Variants in NKD1 observed in about 807,000 individuals in gnomAD.
The protein encoded by NKD1 is NKD inhibitor of Wnt signaling pathway 1.
Under a neutral mutation model 56.0 loss-of-function variants are expected in NKD1, and 21 were observed. The observed-to-expected ratio is 0.38, with a 90% CI of 0.27 to 0.54. The LOEUF (loss-of-function observed/expected upper bound fraction) is 0.54. Among genes scored for constraint, NKD1 ranks in the 20% least tolerant of loss-of-function variants. The probability of loss-of-function intolerance (pLI) is 0.82; values close to 1 mark genes in which losing one functional copy is unlikely to be tolerated. For missense variants in NKD1, 578 were observed against 642.7 expected (o/e 0.90, Z 1.09); for synonymous variants, 263 against 265.7 (o/e 0.99, Z 0.10).
chr16:50,629,719 A>C (rs908622650), intron 6 of NKD1, among the ~76,000 whole-genome samples: 1 of 152,118 alleles, frequency 6.6e-6, no homozygotes, highest in Non-Finnish European at 1.5e-5. Flanking sequence ...AGCCATGATC[A>C]CACCCCTGCA....
intron 4 of NKD1, among the ~76,000 whole-genome samples, chr16:50,621,133 C>T (rs1358838795): frequency 6.6e-6 from 1 of 152,270 alleles, no homozygotes; most frequent in Non-Finnish European, 1.5e-5. Context: ...TTCTGGCACT[C>T]CTCCTGGCCA....
chr16:50,548,763 G>T lies in NKD1; in HGVS notation c.58+14G>T. ...AGAGCCCGGAAGGTAGGGGCGCGCGGGGCGCAGACCTCGGGGATGGACGCG... is the reference window on the plus strand; with the variant it reads ...AGAGCCCGGAAGGTAGGGGCGCGCGTGGCGCAGACCTCGGGGATGGACGCG... On this transcript the variant is annotated intron_variant, in intron 2 of 9. Transcript: ENST00000268459. 1 of 1,409,816 alleles carries T rather than the reference G, an allele frequency of 7.1e-7. No individual in the cohort carries two copies. The highest frequency in any genetic ancestry group is 9.1e-7 in the Non-Finnish European group (1 of 1,093,514). 87.3% of individuals were successfully genotyped at this position (1,409,816 alleles called of 1,614,324 possible).
chr16:50,591,247 C>T (rs1322359119), intron 3 of NKD1, among the ~76,000 whole-genome samples: 1 of 152,242 alleles, frequency 6.6e-6, no homozygotes, highest in Non-Finnish European at 1.5e-5. Context: ...GTTCCTCAGC[C>T]TGTGAGCTGC....
chr16:50,571,308 C>G (rs186366549), intron 3 of NKD1, among the ~76,000 whole-genome samples: 13 of 152,250 alleles, frequency 8.5e-5, no homozygotes, highest in Admixed American at 7.8e-4. Flanking sequence ...AGATGTGATC[C>G]GGAGAGGGGA....
rs1219386840 is a variant in NKD1, at chr16:50,632,617, G to A, written c.823+209G>A. ...GCACGAAATCGAACAAAATCCAATAGTATCTAAAGGCTTAGCACCCAATGA... is the reference window on the plus strand; with the variant it reads ...GCACGAAATCGAACAAAATCCAATAATATCTAAAGGCTTAGCACCCAATGA... On this transcript the variant is annotated intron_variant, in intron 9 of 9. Coordinates refer to ENST00000268459, the MANE Select transcript of NKD1 (RefSeq NM_033119.5). This position sits in a 1 kb window ranked among gnomAD's most constrained non-coding sequence, Gnocchi z 4.1. Among the ~76,000 whole-genome samples, 1 of 152,188 alleles carries A rather than the reference G, an allele frequency of 6.6e-6. No homozygotes were observed. The highest frequency in any genetic ancestry group is 1.9e-4 in the East Asian group (1 of 5,200).
intron 3 of NKD1, among the ~76,000 whole-genome samples, chr16:50,579,361 G>A (rs113283735): frequency 1.4e-5 from 2 of 138,638 alleles, no homozygotes; most frequent in Non-Finnish European, 1.6e-5. Flanking sequence ...TTACTCCTGC[G>A]GGCTACCCGC....
Position 50,549,006 on chromosome 16 carries a change from G to A in NKD1, c.58+257G>A, listed in dbSNP as rs180674792. ...CCGCGTCCCTGCCCTCGGCTCTCAC[G>A]GCACCCTCTCTTCAGACCCCCAAGC... On this transcript the variant is annotated intron_variant, in intron 2 of 9. Coordinates refer to ENST00000268459, the MANE Select transcript of NKD1 (RefSeq NM_033119.5). 1.2e-4 allele frequency: 94 copies of A among 785,130 alleles called. No individual in the cohort carries two copies. In the African/African-American group the frequency reaches 2.4e-3, roughly 20 times the overall value. The allele number at this position is 785,130 out of a possible 1,614,324, so 48.6% of individuals were successfully genotyped here.
chr16:50,567,014 CT>C (rs946710565), intron 3 of NKD1, among the ~76,000 whole-genome samples: 82 of 150,664 alleles, frequency 5.4e-4, no homozygotes, highest in African/African-American at 1.6e-3. Flanking sequence ...GGCCCCCCCC[CT>C]TTTTTTTTAA....
At chr16:50,561,490 C>G (rs77969562) in intron 3 of NKD1, among the ~76,000 whole-genome samples, 3,133 of 152,014 alleles carry the variant, frequency 0.021, 42 homozygotes, top group Non-Finnish European at 0.032. Context: ...GTCAACTTGT[C>G]TGTGGCTCCA....
chr16:50,562,851 C>G (rs1960664671), intron 3 of NKD1, among the ~76,000 whole-genome samples: 1 of 152,070 alleles, frequency 6.6e-6, no homozygotes, highest in Non-Finnish European at 1.5e-5. Context: ...TCATGACAAG[C>G]TCTCGCTCCA....
intron 3 of NKD1, among the ~76,000 whole-genome samples, chr16:50,567,527 T>C (rs910037096): frequency 1.3e-5 from 2 of 152,150 alleles, no homozygotes; most frequent in Non-Finnish European, 2.9e-5. Flanking sequence ...TGGAGTTAGT[T>C]TGGTTTAGCT....
At chr16:50,578,200 G>A (rs918585957) in intron 3 of NKD1, among the ~76,000 whole-genome samples, 1 of 152,146 alleles carries the variant, frequency 6.6e-6, no homozygotes. Context: ...GAATAAGAGA[G>A]TAGAAAAACT....
chr16:50,560,963 A>G (rs1172705342), intron 3 of NKD1, among the ~76,000 whole-genome samples: 1 of 152,022 alleles, frequency 6.6e-6, no homozygotes, highest in Non-Finnish European at 1.5e-5. Flanking sequence ...CCTGAGCCTG[A>G]ATGCCTGGTT....
intron 3 of NKD1, among the ~76,000 whole-genome samples, chr16:50,583,218 A>G (rs1961156376): frequency 6.6e-6 from 1 of 151,998 alleles, no homozygotes; most frequent in Non-Finnish European, 1.5e-5. Flanking sequence ...AGTGGGAGGG[A>G]TGTGTAAGAA....
intron 3 of NKD1, among the ~76,000 whole-genome samples, chr16:50,600,690 T>C (rs1311979891): frequency 1.3e-5 from 2 of 152,154 alleles, no homozygotes; most frequent in Admixed American, 6.5e-5. Flanking sequence ...TGCTGGCCCT[T>C]TGGTGACTGA....
chr16:50,602,868 C>T (rs1441356919), intron 3 of NKD1, among the ~76,000 whole-genome samples: 1 of 152,242 alleles, frequency 6.6e-6, no homozygotes, highest in East Asian at 1.9e-4. Context: ...GCCCACATGC[C>T]TTTGAGGGCA....
At chr16:50,618,732 C>T (rs945428243) in intron 4 of NKD1, among the ~76,000 whole-genome samples, 2 of 152,128 alleles carry the variant, frequency 1.3e-5, no homozygotes, top group Non-Finnish European at 2.9e-5. Context: ...TGGGAGGGGC[C>T]CCTGGCGGGT....
chr16:50,597,177 A>G lies in NKD1; in HGVS notation c.193-11117A>G, dbSNP rs572907969. On this transcript the variant is annotated intron_variant, in intron 3 of 9. Transcript: ENST00000268459. ...GCGTGGCAGAAGTGGAGGAGGTGGC[A>G]ATGATTGGTTTCAGGGTGTGTTTTG... Among the ~76,000 whole-genome samples, 186 of 152,156 alleles carry G rather than the reference A, an allele frequency of 1.2e-3. 1 individual carries two copies. The highest frequency in any genetic ancestry group is 4.4e-3 in the African/African-American group (183 of 41,516).
chr16:50,584,852 C>T (rs1961193274), intron 3 of NKD1, among the ~76,000 whole-genome samples: 1 of 152,192 alleles, frequency 6.6e-6, no homozygotes, highest in African/African-American at 2.4e-5. Context: ...CTTGACACCC[C>T]TACACTTACC....
Sources: gnomAD v4.1 joint callset for allele counts (sites outside exome capture counted in the v4.1 genomes callset) on GRCh38, gnomAD v4.1.1 for gene constraint, Gnocchi (gnomAD v3.1) non-coding constraint, MANE v1.5 for transcripts, NCBI Gene and HGNC (gene_info 2026-07-23, HGNC 2026-07-21) for gene names.